Variants in FOXP2 observed in about 807,000 individuals in gnomAD.
FOXP2 encodes forkhead box protein P2.
FOXP2 carries 12 observed loss-of-function variants against 115.8 expected under a neutral mutation model. The observed-to-expected ratio is 0.10, with a 90% CI of 0.07 to 0.17. The LOEUF is 0.17. FOXP2 is among the 10% of genes least tolerant of loss of function. The pLI, the probability that FOXP2 is intolerant of heterozygous loss-of-function variation, is 1.00. For synonymous variants in FOXP2, 328 were observed against 297.7 expected (o/e 1.10, Z -1.05); for missense variants, 629 against 843.5 (o/e 0.75, Z 3.15).
At chr7:114,614,112 G>C (rs946953367) in intron 3 of FOXP2, among the ~76,000 whole-genome samples, 1 of 152,170 alleles carries the variant, frequency 6.6e-6, no homozygotes, top group African/African-American at 2.4e-5. Flanking sequence ...CTAGGTCAAA[G>C]AATACGTTCC....
intron 2 of FOXP2, among the ~76,000 whole-genome samples, chr7:114,358,082 T>A (rs976974600): frequency 5.9e-5 from 9 of 152,192 alleles, no homozygotes; most frequent in African/African-American, 1.9e-4. Context: ...GGGATGGACC[T>A]GGTGGGAGGT....
chr7:114,418,444 A>G (rs1246656607), intron 1 of FOXP2, among the ~76,000 whole-genome samples: 1 of 151,896 alleles, frequency 6.6e-6, no homozygotes, highest in African/African-American at 2.4e-5. Context: ...GTCTGCTTCG[A>G]TCATTAACTT....
At chr7:114,282,306 T>G (rs532742697) in intron 1 of FOXP2, among the ~76,000 whole-genome samples, 32 of 152,276 alleles carry the variant, frequency 2.1e-4, no homozygotes, top group African/African-American at 7.5e-4. Context: ...AAATCACTAG[T>G]TTTTGAACTT....
intron 2 of FOXP2, among the ~76,000 whole-genome samples, chr7:114,300,507 A>G (rs1337638653): frequency 3.3e-5 from 5 of 151,846 alleles, no homozygotes; most frequent in African/African-American, 1.2e-4. Flanking sequence ...CATCAAACCC[A>G]TTTTTTTCCT....
chr7:114,115,642 T>A (rs1290809522), intron 1 of FOXP2, among the ~76,000 whole-genome samples: 1 of 152,192 alleles, frequency 6.6e-6, no homozygotes, highest in African/African-American at 2.4e-5. Flanking sequence ...TCAATTCAGA[T>A]GCAGCTTCCT....
intron 16 of FOXP2, among the ~76,000 whole-genome samples, chr7:114,671,821 A>T (rs950803918): frequency 2.6e-5 from 4 of 152,226 alleles, no homozygotes; most frequent in Non-Finnish European, 5.9e-5. Flanking sequence ...GTTATTTCAG[A>T]ATATTCCTTT....
chr7:114,436,788 G>A (rs1160080374), intron 2 of FOXP2, among the ~76,000 whole-genome samples: 1 of 152,008 alleles, frequency 6.6e-6, no homozygotes, highest in East Asian at 1.9e-4. Flanking sequence ...GTAGTAGAGG[G>A]GGTGGTCAAA....
chr7:114,153,401 C>T (rs1792575649), intron 1 of FOXP2, among the ~76,000 whole-genome samples: 1 of 152,076 alleles, frequency 6.6e-6, no homozygotes, highest in Admixed American at 6.6e-5. Flanking sequence ...GTAGTTGTTC[C>T]TAGTTTTCCT....
In FOXP2 at chr7:114,691,340, A is replaced by C. The variant is rs1291188290; in HGVS notation, c.*1414A>C. 9 of 453,826 alleles carry C rather than the reference A, an allele frequency of 2.0e-5. No homozygotes were observed. The highest frequency in any genetic ancestry group is 1.2e-4 in the South Asian group (8 of 64,398). The allele number at this position is 453,826 out of a possible 1,614,324, so 28.1% of individuals were successfully genotyped here. On this transcript the variant is annotated 3_prime_UTR_variant, in exon 17 of 17. Transcript: ENST00000350908. ...AAAAATTAATTTCATATTGATTTTA[A>C]AGTGATCTAGCTGAGTTTTTACACT...
intron 1 of FOXP2, among the ~76,000 whole-genome samples, chr7:114,150,073 T>G (rs1007234476): frequency 3.3e-5 from 5 of 152,156 alleles, no homozygotes; most frequent in Non-Finnish European, 1.5e-5. Context: ...GATATATTAA[T>G]ACGTTTCTAA....
intron 1 of FOXP2, among the ~76,000 whole-genome samples, chr7:114,284,760 A>G (rs975194076): frequency 1.3e-5 from 2 of 152,198 alleles, no homozygotes; most frequent in African/African-American, 4.8e-5. Context: ...ATGCTCACAT[A>G]TGTTCCTTGT....
intron 2 of FOXP2, among the ~76,000 whole-genome samples, chr7:114,513,471 C>T (rs1798174761): frequency 1.3e-5 from 2 of 152,004 alleles, no homozygotes; most frequent in African/African-American, 4.8e-5. Flanking sequence ...TTCTTAGACC[C>T]CACCTCAAGC....
At chr7:114,174,739 A>G (rs986568801) in intron 1 of FOXP2, among the ~76,000 whole-genome samples, 1 of 152,102 alleles carries the variant, frequency 6.6e-6, no homozygotes, top group Non-Finnish European at 1.5e-5. Context: ...TGTTTGTTTC[A>G]TTCAGGTTTT....
chr7:114,090,630 G>T (rs1017403077), intron 1 of FOXP2, among the ~76,000 whole-genome samples: 1 of 151,682 alleles, frequency 6.6e-6, no homozygotes, highest in African/African-American at 2.4e-5. Flanking sequence ...ATATTCCAGT[G>T]CTCATGGTCT....
At chr7:114,397,304 C>T (rs73434145) in intron 2 of FOXP2, among the ~76,000 whole-genome samples, 2,674 of 152,066 alleles carry the variant, frequency 0.018, 79 homozygotes, top group African/African-American at 0.06. Flanking sequence ...TATCCCATAC[C>T]GATCACTATA....
chr7:114,632,009 G>A lies in FOXP2; in HGVS notation c.775+304G>A, dbSNP rs375801127. Among the ~76,000 whole-genome samples, 19 of 152,288 alleles carry A rather than the reference G, an allele frequency of 1.2e-4. No individual in the cohort carries two copies. In the South Asian group the frequency reaches 2.1e-3, roughly 17 times the overall value. ...AATTCAAGCACTATTGAATATACAG[G>A]AGGATCTGCAGGGAATTGGATTACC... On this transcript the variant is annotated intron_variant, in intron 6 of 16. Coordinates refer to ENST00000350908, the MANE Select transcript of FOXP2 (RefSeq NM_014491.4).
rs570227353 is a variant in FOXP2 at position 114,183,209 on chromosome 7, G to A, written c.-102+20121G>A. ...ATAATTTAAGTGTATTTTAAAGATG[G>A]CACTTTTGCATCAATTTTTAATCTA... On this transcript the variant is annotated intron_variant, in intron 1 of 17. Coordinates refer to the FOXP2 transcript ENST00000634411. 3.9e-5 allele frequency among the ~76,000 whole-genome samples: 6 copies of A among 152,166 alleles called. No homozygotes were observed. In the South Asian group the frequency reaches 1.2e-3, roughly 32 times the overall value.
At position 114,672,132 on chromosome 7, in the gene FOXP2, A is replaced by C. The variant is rs544310826; in HGVS notation, c.2003+7696A>C. On this transcript the variant is annotated intron_variant, in intron 16 of 16. Coordinates refer to ENST00000350908, the MANE Select transcript of FOXP2 (RefSeq NM_014491.4). ...CGTTTTGAAGACAAAATGGAGTAAA[A>C]TCAGCAAGACACTTAAAAGGTAGGA... 2.0e-5 allele frequency among the ~76,000 whole-genome samples: 3 copies of C among 152,346 alleles called. No homozygotes were observed. The South Asian group carries it at 6.2e-4, about 32-fold the overall frequency.
At chr7:114,217,709 C>T (rs1411871830) in intron 1 of FOXP2, among the ~76,000 whole-genome samples, 8 of 152,146 alleles carry the variant, frequency 5.3e-5, no homozygotes, top group Non-Finnish European at 1.2e-4. Flanking sequence ...ACCACAATTC[C>T]TGCTAATTAG....
Sources: gnomAD v4.1 joint callset for allele counts (sites outside exome capture counted in the v4.1 genomes callset) on GRCh38, gnomAD v4.1.1 for gene constraint, MANE v1.5 for transcripts, NCBI Gene and HGNC (gene_info 2026-07-23, HGNC 2026-07-21) for gene names.